FANCM: variants seen among roughly 807,000 people sequenced by gnomAD.
FANCM encodes Fanconi anemia group M protein.
Under a neutral mutation model 199.5 loss-of-function variants are expected in FANCM, and 140 were observed. The ratio of observed to expected loss-of-function variants is 0.70; its 90% CI spans 0.61 to 0.81. FANCM has a LOEUF of 0.81. FANCM is among the 30% of genes least tolerant of loss of function. FANCM has a pLI of 0.00. For synonymous variants in FANCM, 840 were observed against 836.8 expected (o/e 1.00, Z -0.07); for missense variants, 2,410 against 2,421.4 (o/e 1.00, Z 0.10).
intron 21 of FANCM, among the ~76,000 whole-genome samples, chr14:45,196,945 T>C (rs1890091780): frequency 6.6e-6 from 1 of 152,138 alleles, no homozygotes; most frequent in South Asian, 2.1e-4. Flanking sequence ...AGTTAAGTAG[T>C]GGTACTGTTT....
rs1890280451 is a variant in FANCM at position 45,200,071 on chromosome 14, A to G, written c.*63A>G. 6.5e-6 allele frequency: 7 copies of G among 1,070,242 alleles called. No homozygotes were observed. Among genetic ancestry groups the G allele is most frequent in the East Asian group, 5.1e-5 (2 of 39,264 alleles). The allele number at this position is 1,070,242 out of a possible 1,614,324, so 66.3% of individuals were successfully genotyped here. On this transcript the variant is annotated 3_prime_UTR_variant, in exon 23 of 23. Transcript: ENST00000267430. Reference sequence around the variant, plus strand: ...CAATATTAAATGCACTTCAATAATCATTGCTGTTTTATGTTTATTTGTAAA... The same window carrying G: ...CAATATTAAATGCACTTCAATAATCGTTGCTGTTTTATGTTTATTTGTAAA...
At chr14:45,180,363 C>A (rs559590007) in intron 14 of FANCM, among the ~76,000 whole-genome samples, 1 of 151,858 alleles carries the variant, frequency 6.6e-6, no homozygotes, top group African/African-American at 2.4e-5. Flanking sequence ...AGTCATACTG[C>A]TGTTAGTAGG....
Position 45,154,086 on chromosome 14 carries a change from A to T in FANCM, c.1183+34A>T, listed in dbSNP as rs774133782. 65 of 1,446,054 alleles carry T rather than the reference A, an allele frequency of 4.5e-5. 1 individual carries two copies. The Admixed American group carries it at 8.4e-4, about 19-fold the overall frequency. 89.6% of individuals were successfully genotyped at this position (1,446,054 alleles called of 1,614,324 possible). On this transcript the variant is annotated intron_variant, in intron 6 of 22. Coordinates refer to ENST00000267430, the MANE Select transcript of FANCM (RefSeq NM_020937.4). ...TATCAAATTATTTAAAGAAATAATG[A>T]CATGTATTATTTTGGCTAAAGACAT...
rs1007637054 is a variant in FANCM, at chr14:45,166,972, A to G, written c.1811A>G (p.Asn604Ser). 6.3e-7 allele frequency: 1 copy of G among 1,582,544 alleles called. No homozygotes were observed. The highest frequency in any genetic ancestry group is 1.3e-5 in the African/African-American group (1 of 74,250). ...CAGATTTATAATCAGAGTCAGTCCA[A>G]CAAAAGAAGTATATATAAAGCTATT... Reference protein sequence around the residue: ...EERIYNQSQSNKRSIYKAISS... With the variant: ...EERIYNQSQSSKRSIYKAISS... Residue 604 changes from asparagine (N) to serine (S), a missense_variant, in exon 11 of 23, where the codon AAC becomes AGC. Transcript: ENST00000267430.
At chr14:45,153,207 AGTAGTG>A (rs1457770426) in intron 5 of FANCM, among the ~76,000 whole-genome samples, 1 of 152,200 alleles carries the variant, frequency 6.6e-6, no homozygotes, top group Non-Finnish European at 1.5e-5. Context: ...TTTCCATGAG[AGTAGTG>A]GTTGAAAGCA....
chr14:45,156,551 A>G (rs58489682), intron 8 of FANCM, among the ~76,000 whole-genome samples: 1 of 152,248 alleles, frequency 6.6e-6, no homozygotes, highest in East Asian at 1.9e-4. Flanking sequence ...GCTGGGAGAT[A>G]GATTCTAGAT....
At chr14:45,170,207 A>C (rs1415254099) in intron 11 of FANCM, among the ~76,000 whole-genome samples, 1 of 152,216 alleles carries the variant, frequency 6.6e-6, no homozygotes, top group Non-Finnish European at 1.5e-5. Context: ...CAGAGGTAAG[A>C]GAAGTTTAGG....
At chr14:45,196,598 G>A (rs777184525) in intron 21 of FANCM, 51 bp downstream of exon 21, 6 of 1,549,810 alleles carry the variant, frequency 3.9e-6, no homozygotes, top group Non-Finnish European at 4.4e-6. Flanking sequence ...GAACTTTACG[G>A]TTAACTTAGT....
chr14:45,146,765 G>A (rs768789497), intron 3 of FANCM, among the ~76,000 whole-genome samples: 2 of 149,520 alleles, frequency 1.3e-5, no homozygotes, highest in Non-Finnish European at 3.0e-5. Context: ...CCTGGGAGGC[G>A]GAGCTTGCAG....
At position 45,198,880 on chromosome 14, in the gene FANCM, A is replaced by G; in HGVS notation, c.5953A>G (p.Ile1985Val). 4 of 1,611,680 alleles carry G rather than the reference A, an allele frequency of 2.5e-6. No homozygotes were observed. Among genetic ancestry groups the G allele is most frequent in the East Asian group, 2.2e-5 (1 of 44,836 alleles). The change falls in exon 22 of 23, where the codon ATA (isoleucine) becomes GTA (valine). Residue 1985 changes from isoleucine (I) to valine (V), a missense_variant. Ile to Val is a conservative substitution (Grantham distance 29, BLOSUM62 3). Transcript: ENST00000267430. ...TTTAAGTATTCCCAATATAAGTTAT[A>G]TAACTGCATTAAATATGTGTCACCA... Reference protein sequence around the residue: ...FYLSIPNISYITALNMCHQFS... With the variant: ...FYLSIPNISYVTALNMCHQFS...
At chr14:45,184,230 TG>T (rs1889247938) in intron 17 of FANCM, among the ~76,000 whole-genome samples, 2 of 152,220 alleles carry the variant, frequency 1.3e-5, no homozygotes, top group African/African-American at 4.8e-5. Context: ...ATCATTATAT[TG>T]TTTTTCTTAT....
At chr14:45,172,135 T>C (rs1888380987) in intron 12 of FANCM, among the ~76,000 whole-genome samples, 1 of 152,170 alleles carries the variant, frequency 6.6e-6, no homozygotes, top group African/African-American at 2.4e-5. Flanking sequence ...TTTTTATATG[T>C]TTATTGGCCA....
At chr14:45,166,777 CAAAA>C (rs781175707) in intron 10 of FANCM, among the ~76,000 whole-genome samples, 169 bp from the exon 11 acceptor site, 1 of 74,294 alleles carries the variant, frequency 1.3e-5, no homozygotes, top group Non-Finnish European at 2.8e-5. Context: ...GACCCTGTCT[CAAAA>C]AAAAAAAAAA....
intron 5 of FANCM, among the ~76,000 whole-genome samples, chr14:45,151,913 A>T (rs1168853874): frequency 1.8e-5 from 2 of 111,870 alleles, no homozygotes; most frequent in South Asian, 2.6e-4. Context: ...GACCTGTCTT[A>T]AAAAAAAAAA....
intron 3 of FANCM, among the ~76,000 whole-genome samples, chr14:45,143,669 G>T (rs1886140536): frequency 6.6e-6 from 1 of 151,256 alleles, no homozygotes; most frequent in South Asian, 2.1e-4. Flanking sequence ...AGCTCTGAAC[G>T]GTCTTCCATA....
intron 14 of FANCM, among the ~76,000 whole-genome samples, chr14:45,178,714 A>C (rs932755073): frequency 6.6e-6 from 1 of 152,160 alleles, no homozygotes; most frequent in Non-Finnish European, 1.5e-5. Context: ...AAATCACTCA[A>C]GTTTGTCTGT....
Position 45,136,048 on chromosome 14 carries a change from G to A in FANCM, c.17G>A (p.Arg6Lys), listed in dbSNP as rs1464500995. Residue 6 changes from arginine (R) to lysine (K), a missense_variant, in exon 1 of 23, where the codon AGA becomes AAA. Arg to Lys is a conservative substitution (Grantham distance 26, BLOSUM62 2). Transcript: ENST00000267430. MSGRQ[R>K]TLFQTWGSSI... ...GTCGGCCTAATGAGCGGACGGCAAA[G>A]AACGCTTTTTCAGACGTGGGGCTCA... 1.2e-6 allele frequency: 2 copies of A among 1,613,520 alleles called. No homozygotes were observed. The highest frequency in any genetic ancestry group is 1.3e-5 in the African/African-American group (1 of 74,940).
At chr14:45,172,711 G>C (rs1296285705) in intron 12 of FANCM, among the ~76,000 whole-genome samples, 1 of 152,072 alleles carries the variant, frequency 6.6e-6, no homozygotes, top group Non-Finnish European at 1.5e-5. Context: ...TGAAAGTCAA[G>C]AGAACTGATC....
In FANCM at chr14:45,195,586, GT is replaced by G. The variant is rs756911989; in HGVS notation, c.5341-585del. The G allele has an allele frequency of 8.8e-6, 4 of 456,368 alleles. 1 individual carries two copies. Among genetic ancestry groups the G allele is most frequent in the South Asian group, 6.2e-5 (4 of 64,496 alleles). The allele number at this position is 456,368 out of a possible 1,614,324, so 28.3% of individuals were successfully genotyped here. Reference sequence around the variant, plus strand: ...AGATTACTTTGGAAAGGAAAGCTGGGTATGTTCTGACTTAAGTAACTTCCAA... The same window carrying G: ...AGATTACTTTGGAAAGGAAAGCTGGGATGTTCTGACTTAAGTAACTTCCAA... On this transcript the variant is annotated intron_variant, in intron 20 of 22. Transcript: ENST00000267430.
Sources: gnomAD v4.1 joint callset for allele counts (sites outside exome capture counted in the v4.1 genomes callset) on GRCh38, gnomAD v4.1.1 for gene constraint, MANE v1.5 for transcripts, NCBI Gene and HGNC (gene_info 2026-07-23, HGNC 2026-07-21) for gene names.